The following TANC1 variants were observed in gnomAD, a reference collection of about 807,000 sequenced individuals.
TANC1 encodes protein TANC1.
A neutral mutation model predicts 149.7 loss-of-function variants in TANC1; 77 were observed. That is an observed-to-expected ratio of 0.51 (90% CI 0.43 to 0.62). TANC1 has a LOEUF of 0.62. TANC1 is among the 20% of genes least tolerant of loss of function. TANC1 has a pLI of 0.00. For missense variants in TANC1, 1,985 were observed against 2,321.8 expected (o/e 0.85, Z 2.98); for synonymous variants, 854 against 925.0 (o/e 0.92, Z 1.39).
chr2:159,008,172 A>G (rs1200008982), intron 2 of TANC1, among the ~76,000 whole-genome samples: 1 of 152,250 alleles, frequency 6.6e-6, no homozygotes, highest in Non-Finnish European at 1.5e-5. Context: ...ATTTCAGCTT[A>G]TGCTGTGATT....
chr2:159,020,098 C>G (rs746015541), intron 2 of TANC1, among the ~76,000 whole-genome samples: 9 of 152,144 alleles, frequency 5.9e-5, no homozygotes, highest in Non-Finnish European at 1.0e-4. Flanking sequence ...ATTAACAATT[C>G]TGACTAGAAT....
intron 2 of TANC1, among the ~76,000 whole-genome samples, chr2:159,040,467 C>A (rs1182493219): frequency 2.0e-5 from 3 of 152,174 alleles, no homozygotes; most frequent in African/African-American, 7.2e-5. Flanking sequence ...TCTTTTTACT[C>A]TTCTTTCTCT....
intron 19 of TANC1, among the ~76,000 whole-genome samples, chr2:159,210,425 T>A (rs973803306): frequency 6.6e-6 from 1 of 152,192 alleles, no homozygotes; most frequent in Admixed American, 6.5e-5. Context: ...AAGTTGACAA[T>A]TGAGTTTTTG....
At chr2:159,078,128 G>C (rs553193329) in intron 3 of TANC1, among the ~76,000 whole-genome samples, 55 of 152,292 alleles carry the variant, frequency 3.6e-4, no homozygotes, top group African/African-American at 1.3e-3. Flanking sequence ...ATGTGAACTT[G>C]GGCAAATTAC....
rs1365639960 is a variant in TANC1, at chr2:158,971,363, G to T, written c.-126+2581G>T. Among the ~76,000 whole-genome samples the T allele has an allele frequency of 2.0e-5, 3 of 152,282 alleles. No individual in the cohort carries two copies. In the East Asian group the frequency reaches 5.8e-4, roughly 29 times the overall value. ...AGATTTTGTCTCAGTTGGGTTGAGAGTAGGGTTGAGAGTCTCATAGAAAAA... is the reference window on the plus strand; with the variant it reads ...AGATTTTGTCTCAGTTGGGTTGAGATTAGGGTTGAGAGTCTCATAGAAAAA... On this transcript the variant is annotated intron_variant, in intron 1 of 26. Transcript: ENST00000263635.
chr2:159,034,897 T>A (rs2040057143), intron 2 of TANC1, among the ~76,000 whole-genome samples: 2 of 152,372 alleles, frequency 1.3e-5, no homozygotes, highest in African/African-American at 4.8e-5. Context: ...GTGGTCTTTG[T>A]CACGTTGTTT....
intron 3 of TANC1, among the ~76,000 whole-genome samples, chr2:159,074,189 A>T (rs574169925): frequency 6.6e-6 from 1 of 152,172 alleles, no homozygotes; most frequent in South Asian, 2.1e-4. Context: ...TTCTTGTCCT[A>T]TGTTCTGGTG....
At chr2:159,106,174 G>C (rs920895626) in intron 4 of TANC1, among the ~76,000 whole-genome samples, 1 of 152,070 alleles carries the variant, frequency 6.6e-6, no homozygotes. Flanking sequence ...ACAGTTCGAT[G>C]TTCTTTTTGT....
rs1317695537 is a variant in TANC1 at position 159,229,985 on chromosome 2, A to G, written c.4559A>G (p.Gln1520Arg). 7.4e-6 allele frequency: 12 copies of G among 1,614,106 alleles called. No individual in the cohort carries two copies. The highest frequency in any genetic ancestry group is 1.0e-5 in the Non-Finnish European group (12 of 1,180,052). The change falls in exon 27 of 27, where the codon CAG (glutamine) becomes CGG (arginine). Residue 1520 changes from glutamine (Q) to arginine (R), a missense_variant. Physicochemically the swap from Gln to Arg is conservative, Grantham distance 43. Around this residue, in one of 3 missense-constraint regions of TANC1, gnomAD observed 920 missense variants for 994.7 expected, o/e 0.92. Coordinates refer to ENST00000263635, the MANE Select transcript of TANC1 (RefSeq NM_033394.3). ...AAGTCCCTGAGAGAGCCTGTGGCCC[A>G]GCCAGGGCTGCTCCTGCAGCCCTCC... The part of the protein sequence containing the change: ...IGKSLREPVA[Q>R]PGLLLQPSKQ...
Position 159,023,967 on chromosome 2 carries a change from C to CA in TANC1, c.-16+22794dup, listed in dbSNP as rs113392917. On this transcript the variant is annotated intron_variant, in intron 2 of 26. Coordinates refer to ENST00000263635, the MANE Select transcript of TANC1 (RefSeq NM_033394.3). ...TGGGTGACAGAGTAAGACTCCATCT[C>CA]AAAAAAAAAAAAAAAATTGTCAAAA... Among the ~76,000 whole-genome samples the CA allele has an allele frequency of 8.2e-3, 864 of 105,076 alleles. 7 individuals carry two copies. The highest frequency in any genetic ancestry group is 0.018 in the African/African-American group (545 of 30,658). 68.9% of individuals were successfully genotyped at this position (105,076 alleles called of 152,430 possible).
chr2:159,153,701 T>TTTTTTTTTTTTTTTTTGAGATGG (rs2053110172), intron 7 of TANC1, among the ~76,000 whole-genome samples: 2 of 152,200 alleles, frequency 1.3e-5, no homozygotes, highest in African/African-American at 4.8e-5. Context: ...AGCTTCCTTT[T>TTTTTTTTTTTTTTTTTGAGATGG]AAATCAATAC....
At chr2:159,084,138 T>C (rs1185933191) in intron 3 of TANC1, among the ~76,000 whole-genome samples, 3 of 151,810 alleles carry the variant, frequency 2.0e-5, no homozygotes, top group Admixed American at 1.3e-4. Flanking sequence ...TAATCCCAGC[T>C]ACTCAGAAGG....
At chr2:158,970,408 T>C (rs2032684077) in intron 1 of TANC1, among the ~76,000 whole-genome samples, 1 of 152,162 alleles carries the variant, frequency 6.6e-6, no homozygotes, top group Non-Finnish European at 1.5e-5. Context: ...TCCAGGATTT[T>C]AACAGCTGCT....
intron 3 of TANC1, among the ~76,000 whole-genome samples, chr2:159,092,521 C>T (rs2045658409): frequency 6.6e-6 from 1 of 152,176 alleles, no homozygotes; most frequent in African/African-American, 2.4e-5. Flanking sequence ...GCCATTTCTG[C>T]CAATTTAAAA....
At chr2:159,020,747 A>C (rs977522172) in intron 2 of TANC1, among the ~76,000 whole-genome samples, 1 of 152,200 alleles carries the variant, frequency 6.6e-6, no homozygotes, top group Non-Finnish European at 1.5e-5. Flanking sequence ...ACTTTAAGAA[A>C]ATTTAAGAGT....
intron 2 of TANC1, among the ~76,000 whole-genome samples, chr2:159,016,201 T>A (rs1217374391): frequency 6.6e-6 from 1 of 152,212 alleles, no homozygotes; most frequent in Non-Finnish European, 1.5e-5. Flanking sequence ...AGTCCCATCT[T>A]ATATGGATTG....
At chr2:159,009,639 C>A (rs1438178159) in intron 2 of TANC1, among the ~76,000 whole-genome samples, 1 of 152,076 alleles carries the variant, frequency 6.6e-6, no homozygotes, top group African/African-American at 2.4e-5. Flanking sequence ...TTAACAGATA[C>A]AAAATCACAG....
intron 3 of TANC1, among the ~76,000 whole-genome samples, chr2:159,091,968 G>GGC (rs1553545661): frequency 2.0e-4 from 29 of 146,816 alleles, no homozygotes; most frequent in African/African-American, 5.9e-4. Flanking sequence ...ATATAGGGGG[G>GGC]GGTGTGTGTG....
chr2:159,196,822 GA>G, intron 18 of TANC1, 29 bp downstream of exon 18: 1 of 1,579,674 alleles, frequency 6.3e-7, no homozygotes, highest in Non-Finnish European at 8.6e-7. Context: ...TCCCTCCTGG[GA>G]AACAAGAAGC....
Sources: gnomAD v4.1 joint callset for allele counts (sites outside exome capture counted in the v4.1 genomes callset) on GRCh38, gnomAD v4.1.1 for gene constraint, gnomAD v4.1.1 regional missense constraint, MANE v1.5 for transcripts, NCBI Gene and HGNC (gene_info 2026-07-23, HGNC 2026-07-21) for gene names.